Variants in GPC6 observed in about 807,000 individuals in gnomAD.
GPC6 encodes the protein glypican 6, also known as glypican-6.
In GPC6, 14 loss-of-function variants were observed where a neutral mutation model predicts 55.2. The ratio of observed to expected loss-of-function variants is 0.25; its 90% confidence interval spans 0.17 to 0.40. The LOEUF is 0.40. GPC6 is among the 10% of genes least tolerant of loss of function. GPC6 has a pLI of 1.00. For synonymous variants in GPC6, 278 were observed against 259.6 expected (o/e 1.07, Z -0.68); for missense variants, 641 against 708.5 (o/e 0.90, Z 1.08).
intron 6 of GPC6, among the ~76,000 whole-genome samples, chr13:94,370,030 A>C (rs1535691): frequency 0.29 from 43,956 of 152,156 alleles, 6,914 homozygotes; most frequent in East Asian, 0.6. Flanking sequence ...CTGGCTGTGG[A>C]GCAGTTATTC....
At chr13:93,579,076 G>A (rs1274029108) in intron 2 of GPC6, among the ~76,000 whole-genome samples, 2 of 152,072 alleles carry the variant, frequency 1.3e-5, no homozygotes, top group East Asian at 1.9e-4. Flanking sequence ...GAGTAGATTG[G>A]TAGCTACCAG....
At chr13:94,189,468 G>A (rs1889312042) in intron 4 of GPC6, among the ~76,000 whole-genome samples, 1 of 152,052 alleles carries the variant, frequency 6.6e-6, no homozygotes, top group African/African-American at 2.4e-5. Context: ...TTGCTTTACT[G>A]GACATCATAA....
chr13:93,497,390 T>C (rs1880344998), intron 1 of GPC6, among the ~76,000 whole-genome samples: 1 of 152,198 alleles, frequency 6.6e-6, no homozygotes, highest in Admixed American at 6.5e-5. Context: ...AGAGCAAAGA[T>C]ATTAGTGAAA....
intron 3 of GPC6, among the ~76,000 whole-genome samples, chr13:93,902,561 A>C (rs1010275484): frequency 6.6e-6 from 1 of 152,098 alleles, no homozygotes; most frequent in African/African-American, 2.4e-5. Context: ...CTTCCTTTAG[A>C]TCTATAGCCA....
chr13:93,969,256 T>A (rs529380840), intron 3 of GPC6, among the ~76,000 whole-genome samples: 6 of 152,282 alleles, frequency 3.9e-5, no homozygotes, highest in African/African-American at 1.2e-4. Flanking sequence ...CCCATTCAGT[T>A]CAGCATAGAA....
intron 6 of GPC6, among the ~76,000 whole-genome samples, chr13:94,336,089 G>A (rs1877682537): frequency 6.6e-6 from 1 of 152,096 alleles, no homozygotes; most frequent in Non-Finnish European, 1.5e-5. Flanking sequence ...TTTGCTGGTA[G>A]ATGCTCGGAA....
Position 94,191,469 on chromosome 13 carries a change from T to C in GPC6, c.878-94880T>C, listed in dbSNP as rs556086282. On this transcript the variant is annotated intron_variant, in intron 4 of 8. Coordinates refer to ENST00000377047, the MANE Select transcript of GPC6 (RefSeq NM_005708.5). Reference sequence around the variant, plus strand: ...TGTGAATGGGGATAGAAGAGGATCTTTGGAGAGCTGAGTCGGTAAGTGTAC... The same window carrying C: ...TGTGAATGGGGATAGAAGAGGATCTCTGGAGAGCTGAGTCGGTAAGTGTAC... Among the ~76,000 whole-genome samples, 4 of 152,198 alleles carry C rather than the reference T, an allele frequency of 2.6e-5. No homozygotes were observed. In the South Asian group the frequency reaches 8.3e-4, roughly 32 times the overall value.
At chr13:94,377,160 A>G (rs992297174) in intron 6 of GPC6, among the ~76,000 whole-genome samples, 5 of 151,862 alleles carry the variant, frequency 3.3e-5, no homozygotes, top group African/African-American at 1.2e-4. Flanking sequence ...CATGTCTAAA[A>G]CACCAAAAGC....
At chr13:93,698,690 T>G (rs1406692695) in intron 2 of GPC6, among the ~76,000 whole-genome samples, 1 of 152,012 alleles carries the variant, frequency 6.6e-6, no homozygotes, top group African/African-American at 2.4e-5. Context: ...CCCCATCTTC[T>G]GGGAGAAATC....
chr13:93,738,424 TC>T (rs1356530006), intron 2 of GPC6, among the ~76,000 whole-genome samples: 1 of 152,168 alleles, frequency 6.6e-6, no homozygotes, highest in Admixed American at 6.5e-5. Context: ...GACAGTTTTT[TC>T]CCATATATTA....
chr13:93,784,351 T>G (rs1418311525), intron 2 of GPC6, among the ~76,000 whole-genome samples: 2 of 152,206 alleles, frequency 1.3e-5, no homozygotes, highest in Non-Finnish European at 2.9e-5. Context: ...TTACTGGCAA[T>G]TGTTTTCTTC....
chr13:94,301,373 G>A (rs1875641889), intron 5 of GPC6, among the ~76,000 whole-genome samples: 1 of 151,886 alleles, frequency 6.6e-6, no homozygotes, highest in South Asian at 2.1e-4. Context: ...CTCCAGTCTG[G>A]GCAACGGAGT....
intron 2 of GPC6, among the ~76,000 whole-genome samples, chr13:93,598,043 C>T (rs985667879): frequency 4.6e-5 from 7 of 152,098 alleles, no homozygotes; most frequent in African/African-American, 1.7e-4. Context: ...ACTCAGGGGG[C>T]TGAGGCAGGA....
chr13:93,769,684 T>C (rs142441606), intron 2 of GPC6, among the ~76,000 whole-genome samples: 1,777 of 152,338 alleles, frequency 0.012, 21 homozygotes, highest in Non-Finnish European at 0.018. Flanking sequence ...TCTATAGTTA[T>C]TTTATGGGTG....
intron 1 of GPC6, among the ~76,000 whole-genome samples, chr13:93,275,197 G>A (rs9516205): frequency 0.24 from 37,185 of 152,056 alleles, 4,668 homozygotes; most frequent in African/African-American, 0.3. Flanking sequence ...ATCTTATTGG[G>A]GGAAGACTGT....
At position 94,403,602 on chromosome 13, in the gene GPC6, G is replaced by C. The variant is rs7325795; in HGVS notation, c.*385G>C. 7.4e-6 allele frequency: 2 copies of C among 271,266 alleles called. No homozygotes were observed. The highest frequency in any genetic ancestry group is 2.2e-5 in the African/African-American group (1 of 44,950). 16.8% of individuals were successfully genotyped at this position (271,266 alleles called of 1,614,324 possible). On this transcript the variant is annotated 3_prime_UTR_variant, in exon 9 of 9. Coordinates refer to ENST00000377047, the MANE Select transcript of GPC6 (RefSeq NM_005708.5). The stretch of plus-strand genomic sequence containing the variant: ...AGAAAATAATTTTCCTTGTAAAATC[G>C]GGCCAAACCCCAAGACAGCTACATT...
In GPC6 at chr13:94,398,588, C is replaced by G. The variant is rs1244236683; in HGVS notation, c.1412C>G (p.Thr471Ser). The change falls in exon 8 of 9, where the codon ACC (threonine) becomes AGC (serine). Residue 471 changes from threonine to serine, a missense_variant. Thr to Ser is a moderately conservative substitution (Grantham distance 58). Coordinates refer to ENST00000377047, the MANE Select transcript of GPC6 (RefSeq NM_005708.5). ...CAGATTATGGCTCTCCGTGTGATGA[C>G]CAACAAACTAAAAAACGCCTACAAT... ...RQQIMALRVM[T>S]NKLKNAYNGN... 1 of 1,613,934 alleles carries G rather than the reference C, an allele frequency of 6.2e-7. No individual in the cohort carries two copies. Among genetic ancestry groups the G allele is most frequent in the Admixed American group, 1.7e-5 (1 of 59,996 alleles).
chr13:94,132,722 G>A (rs909249008), intron 4 of GPC6, among the ~76,000 whole-genome samples: 1 of 152,062 alleles, frequency 6.6e-6, no homozygotes, highest in Non-Finnish European at 1.5e-5. Context: ...TGGCATGAAG[G>A]CCATTTTATC....
intron 1 of GPC6, among the ~76,000 whole-genome samples, chr13:93,479,249 A>G (rs961864814): frequency 2.6e-5 from 4 of 152,194 alleles, no homozygotes; most frequent in African/African-American, 9.7e-5. Flanking sequence ...AACCAGATCC[A>G]AAAACTATAG....
Sources: gnomAD v4.1 joint callset for allele counts (sites outside exome capture counted in the v4.1 genomes callset) on GRCh38, gnomAD v4.1.1 for gene constraint, MANE v1.5 for transcripts, NCBI Gene and HGNC (gene_info 2026-07-23, HGNC 2026-07-21) for gene names.